SH3RF1: variants seen among roughly 807,000 people sequenced by gnomAD.
SH3RF1 encodes SH3 domain containing ring finger 1.
In SH3RF1, 32 loss-of-function variants were observed where a neutral mutation model predicts 74.0. The observed-to-expected ratio is 0.43, with a 90% CI of 0.33 to 0.58. The LOEUF (loss-of-function observed/expected upper bound fraction) is 0.58, where lower values mean the gene tolerates loss of function less well. SH3RF1 is among the 20% of genes least tolerant of loss of function. The pLI is 0.05. For synonymous variants in SH3RF1, 396 were observed against 439.6 expected, an observed-to-expected ratio of 0.90 and a Z score of 1.24; for missense variants, 954 against 1,130.9, an observed-to-expected ratio of 0.84 and a Z score of 2.24.
intron 2 of SH3RF1, among the ~76,000 whole-genome samples, chr4:169,212,557 C>T (rs1218873284): frequency 6.6e-6 from 1 of 152,042 alleles, no homozygotes; most frequent in African/African-American, 2.4e-5. Flanking sequence ...TCTTTTACAG[C>T]AGTTTTAGGT....
At chr4:169,211,162 T>C (rs977830907) in intron 2 of SH3RF1, among the ~76,000 whole-genome samples, 1 of 152,148 alleles carries the variant, frequency 6.6e-6, no homozygotes, top group African/African-American at 2.4e-5. Context: ...GATTTAGTAT[T>C]ATGACCCATT....
At chr4:169,233,445 T>C (rs1429432888) in intron 2 of SH3RF1, among the ~76,000 whole-genome samples, 12 of 152,316 alleles carry the variant, frequency 7.9e-5, no homozygotes, top group African/African-American at 2.2e-4. Context: ...TGATTATTCA[T>C]AGTCATCATT....
chr4:169,186,004 A>G (rs910449631), intron 2 of SH3RF1, among the ~76,000 whole-genome samples: 3 of 152,186 alleles, frequency 2.0e-5, no homozygotes, highest in Non-Finnish European at 2.9e-5. Context: ...ATCCTCAGAA[A>G]CACTTAGGAC....
At chr4:169,156,726 A>C in intron 2 of SH3RF1, 47 bp from the exon 3 acceptor site, 2 of 1,505,794 alleles carry the variant, frequency 1.3e-6, no homozygotes, top group Non-Finnish European at 1.8e-6. Flanking sequence ...AATGGTCTTA[A>C]AATGTCTCTG....
chr4:169,229,766 G>A (rs1489196094), intron 2 of SH3RF1, among the ~76,000 whole-genome samples: 6 of 152,170 alleles, frequency 3.9e-5, no homozygotes, highest in Non-Finnish European at 1.5e-5. Flanking sequence ...ATGCTCCTGA[G>A]AGTATACGAC....
intron 7 of SH3RF1, among the ~76,000 whole-genome samples, 171 bp downstream of exon 7, chr4:169,121,929 C>A (rs1473552823): frequency 2.0e-5 from 3 of 152,228 alleles, no homozygotes; most frequent in Non-Finnish European, 2.9e-5. Flanking sequence ...GATTTTCTTT[C>A]AGCAGTTCCC....
chr4:169,185,178 C>T (rs1734582216), intron 2 of SH3RF1, among the ~76,000 whole-genome samples: 1 of 152,190 alleles, frequency 6.6e-6, no homozygotes, highest in South Asian at 2.1e-4. Flanking sequence ...GTCCCTACCA[C>T]ATGCCAAGCA....
At chr4:169,142,315 A>G (rs1257425123) in intron 4 of SH3RF1, among the ~76,000 whole-genome samples, 1 of 152,174 alleles carries the variant, frequency 6.6e-6, no homozygotes, top group Non-Finnish European at 1.5e-5. Context: ...ATATGTGTGT[A>G]TATATTTATG....
At chr4:169,264,277 T>C (rs1731319740) in intron 2 of SH3RF1, among the ~76,000 whole-genome samples, 1 of 152,220 alleles carries the variant, frequency 6.6e-6, no homozygotes, top group Non-Finnish European at 1.5e-5. Flanking sequence ...TGTCTTCACA[T>C]GGTCTTCCCT....
chr4:169,226,140 T>G (rs1730650845), intron 2 of SH3RF1, among the ~76,000 whole-genome samples: 1 of 152,216 alleles, frequency 6.6e-6, no homozygotes, highest in Non-Finnish European at 1.5e-5. Context: ...ACTCATAGTT[T>G]GTCTCTTTTG....
chr4:169,213,177 C>T (rs1306848480), intron 2 of SH3RF1, among the ~76,000 whole-genome samples: 1 of 152,194 alleles, frequency 6.6e-6, no homozygotes, highest in African/African-American at 2.4e-5. Flanking sequence ...TCCTGTTGAT[C>T]CACATTCTCA....
intron 2 of SH3RF1, among the ~76,000 whole-genome samples, chr4:169,259,061 G>C (rs1731233993): frequency 6.6e-6 from 1 of 151,942 alleles, no homozygotes; most frequent in Non-Finnish European, 1.5e-5. Context: ...GCTAACTTTA[G>C]CTTTCTTTCT....
intron 6 of SH3RF1, among the ~76,000 whole-genome samples, chr4:169,127,643 C>T (rs571551008): frequency 3.3e-5 from 5 of 152,304 alleles, no homozygotes; most frequent in Admixed American, 2.0e-4. Flanking sequence ...ATCAACCTTC[C>T]TCTTGCTTAA....
At chr4:169,145,556 T>A (rs949890516) in intron 4 of SH3RF1, among the ~76,000 whole-genome samples, 4 of 148,560 alleles carry the variant, frequency 2.7e-5, no homozygotes, top group Non-Finnish European at 5.9e-5. Context: ...ACCCCCCGAA[T>A]CTGTAAAAAT....
chr4:169,187,759 A>C (rs1217261383), intron 2 of SH3RF1, among the ~76,000 whole-genome samples: 1 of 152,204 alleles, frequency 6.6e-6, no homozygotes, highest in Non-Finnish European at 1.5e-5. Flanking sequence ...TGGAACAAAC[A>C]GGGAGGATAT....
chr4:169,133,859 G>T (rs1409492012), intron 5 of SH3RF1, among the ~76,000 whole-genome samples: 2 of 152,200 alleles, frequency 1.3e-5, no homozygotes, highest in Non-Finnish European at 2.9e-5. Flanking sequence ...CAGGTCAATA[G>T]CAGGGAACAG....
chr4:169,167,902 C>G (rs1000850511), intron 2 of SH3RF1, among the ~76,000 whole-genome samples: 2 of 151,994 alleles, frequency 1.3e-5, no homozygotes, highest in African/African-American at 2.4e-5. Flanking sequence ...ACTGGAAGGC[C>G]AAGGTGGTAG....
At chr4:169,119,278 A>ATTTTTT (rs11397253) in intron 8 of SH3RF1, among the ~76,000 whole-genome samples, 1 of 66,412 alleles carries the variant, frequency 1.5e-5, no homozygotes, top group Non-Finnish European at 2.8e-5. Context: ...TAATTTTTGT[A>ATTTTTT]TTTTTTTTTT....
chr4:169,257,224 G>A (rs2110753940), intron 2 of SH3RF1, among the ~76,000 whole-genome samples: 1 of 152,288 alleles, frequency 6.6e-6, no homozygotes, highest in Admixed American at 6.5e-5. Context: ...CACAAAAAAG[G>A]AACATTCAGA....
Sources: allele counts gnomAD v4.1 joint callset (sites outside exome capture counted in the v4.1 genomes callset), GRCh38; gene constraint gnomAD v4.1.1; transcripts MANE v1.5; gene names NCBI Gene and HGNC (gene_info 2026-07-23, HGNC 2026-07-21).